The following CARD14 variants were observed in gnomAD, a reference collection of about 807,000 sequenced individuals.
The protein encoded by CARD14 is caspase recruitment domain family member 14.
A neutral mutation model predicts 111.5 loss-of-function variants in CARD14; 107 were observed. The observed-to-expected ratio is 0.96, with a 90% CI of 0.82 to 1.13. CARD14 has a LOEUF of 1.13. CARD14 is among the 50% of genes most tolerant of loss of function. The pLI is 0.00. For missense variants in CARD14, 1,322 were observed against 1,362.3 expected (o/e 0.97, Z 0.47); for synonymous variants, 617 against 579.6 (o/e 1.06, Z -0.93).
At position 80,173,009 on chromosome 17, in the gene CARD14, T is replaced by A. The variant is rs1322393198; in HGVS notation, c.-586T>A. The A allele has an allele frequency of 6.7e-6, 1 of 150,324 alleles. No homozygotes were observed. Among genetic ancestry groups the A allele is most frequent in the African/African-American group, 2.5e-5 (1 of 40,716 alleles). The allele number at this position is 150,324 out of a possible 1,614,324, so 9.3% of individuals were successfully genotyped here. On this transcript the variant is annotated 5_prime_UTR_variant, in exon 2 of 24. Transcript: ENST00000648509. ...GATTCTCCTGCCTCACCCTCCTGAG[T>A]AGCTGGGACTACAGGCGAGCACCAC...
In CARD14 at chr17:80,208,636, T is replaced by G; in HGVS notation, c.*291T>G. The G allele has an allele frequency of 3.0e-6, 1 of 336,632 alleles. No homozygotes were observed. Among genetic ancestry groups the G allele is most frequent in the Non-Finnish European group, 5.4e-6 (1 of 185,712 alleles). The allele number at this position is 336,632 out of a possible 1,614,324, so 20.9% of individuals were successfully genotyped here. On this transcript the variant is annotated 3_prime_UTR_variant, in exon 24 of 24. Transcript: ENST00000648509. The stretch of plus-strand genomic sequence containing the variant: ...TCTGCAGTGGGACAGGAGGGACGTC[T>G]TCCCATGCCTTCCCTAGAACCGGAG...
In CARD14 at chr17:80,198,030, CAGG is replaced by C. The variant is rs1228545580; in HGVS notation, c.1595-65_1595-63del. ...ATCTGTGAAGAAGGGGCTGAGGTTA[CAGG>C]AGGTTACAGGACGCCCCATCAGCAG... On this transcript the variant is annotated intron_variant, in intron 14 of 23. Transcript: ENST00000648509. This position sits in a 1 kb window ranked among gnomAD's most constrained non-coding sequence, Gnocchi z 7.5. 2.7e-6 allele frequency: 4 copies of C among 1,488,922 alleles called. No individual in the cohort carries two copies. In the African/African-American group the frequency reaches 5.5e-5, roughly 21 times the overall value. The allele number at this position is 1,488,922 out of a possible 1,614,324, so 92.2% of individuals were successfully genotyped here.
At position 80,189,768 on chromosome 17, in the gene CARD14, C is replaced by T; in HGVS notation, c.859C>T (p.Leu287=). 1 of 1,584,018 alleles carries T rather than the reference C, an allele frequency of 6.3e-7. No individual in the cohort carries two copies. Among genetic ancestry groups the T allele is most frequent in the East Asian group, 2.4e-5 (1 of 42,028 alleles). The change falls in exon 9 of 24, where the codon CTG becomes TTG. Residue 287 remains leucine (L), a synonymous_variant. Transcript: ENST00000648509. This position sits in a 1 kb window ranked among gnomAD's most constrained non-coding sequence, Gnocchi z 4.7. The part of the protein sequence containing the change: ...LTFSLAEKDI[L]EQSLDEARGS... ...TCTGCCCCAGGCGGAGAAGGACATT[C>T]TGGAGCAGAGCCTGGACGAGGCGCG...
chr17:80,180,481 T>C (rs535728111), intron 4 of CARD14, among the ~76,000 whole-genome samples: 1 of 152,318 alleles, frequency 6.6e-6, no homozygotes, highest in South Asian at 2.1e-4. Context: ...CCAGCACATT[T>C]CCCTCATGTG....
Position 80,195,915 on chromosome 17 carries a change from C to T in CARD14, c.1594+263C>T. ...AGAGCCAGGGGAGTTGTGTCTGATCCACGCCCTGCTCAGCACCCAGCCCCC... is the reference window on the plus strand; with the variant it reads ...AGAGCCAGGGGAGTTGTGTCTGATCTACGCCCTGCTCAGCACCCAGCCCCC... On this transcript the variant is annotated intron_variant, in intron 14 of 23. Coordinates refer to ENST00000648509, the MANE Select transcript of CARD14 (RefSeq NM_001366385.1). This position sits in a 1 kb window ranked among gnomAD's most constrained non-coding sequence, Gnocchi z 4.7. 2 of 477,238 alleles carry T rather than the reference C, an allele frequency of 4.2e-6. No individual in the cohort carries two copies. The highest frequency in any genetic ancestry group is 3.8e-6 in the Non-Finnish European group (1 of 264,898). The allele number at this position is 477,238 out of a possible 1,614,324, so 29.6% of individuals were successfully genotyped here. A position where few individuals can be genotyped will look rare whatever the true frequency, so the allele number is the denominator to read the frequency against.
chr17:80,188,734 G>A lies in CARD14; in HGVS notation c.843+190G>A, dbSNP rs958684954. The A allele has an allele frequency of 2.1e-6, 1 of 485,650 alleles. No individual in the cohort carries two copies. Among genetic ancestry groups the A allele is most frequent in the East Asian group, 3.7e-5 (1 of 26,714 alleles). The allele number at this position is 485,650 out of a possible 1,614,324, so 30.1% of individuals were successfully genotyped here. On this transcript the variant is annotated intron_variant, in intron 8 of 23. Coordinates refer to ENST00000648509, the MANE Select transcript of CARD14 (RefSeq NM_001366385.1). This position sits in a 1 kb window ranked among gnomAD's most constrained non-coding sequence, Gnocchi z 4.5. Reference sequence around the variant, plus strand: ...TGTTCCCCAGACCCCAAAATTGGCAGAATTAAAAGCTGCTGGAACAGAATT... The same window carrying A: ...TGTTCCCCAGACCCCAAAATTGGCAAAATTAAAAGCTGCTGGAACAGAATT...
At chr17:80,199,599 C>T (rs2040865134) in intron 16 of CARD14, among the ~76,000 whole-genome samples, 1 of 137,840 alleles carries the variant, frequency 7.3e-6, no homozygotes, top group South Asian at 2.3e-4. Flanking sequence ...AAAAAAAAGG[C>T]CAGGCACGGT....
At chr17:80,191,868 G>A (rs2040541823) in intron 11 of CARD14, among the ~76,000 whole-genome samples, 1 of 152,194 alleles carries the variant, frequency 6.6e-6, no homozygotes, top group Admixed American at 6.5e-5. Context: ...GTCCAAGAGT[G>A]GAAAGACAGA....
At position 80,189,071 on chromosome 17, in the gene CARD14, G is replaced by A. The variant is rs945177528; in HGVS notation, c.843+527G>A. Among the ~76,000 whole-genome samples the A allele has an allele frequency of 1.3e-5, 2 of 152,024 alleles. No individual in the cohort carries two copies. Among genetic ancestry groups the A allele is most frequent in the East Asian group, 1.9e-4 (1 of 5,186 alleles). ...TCTCAAACAAACAAAAATAAAAGCC[G>A]CTGGAGGTGCATCACAATGCCCGAC... On this transcript the variant is annotated intron_variant, in intron 8 of 23. Coordinates refer to ENST00000648509, the MANE Select transcript of CARD14 (RefSeq NM_001366385.1). The surrounding 1 kb of genome is among the most constrained non-coding windows in gnomAD (Gnocchi z 4.7).
Position 80,181,627 on chromosome 17 carries a change from C to T in CARD14, c.189C>T (p.Leu63=), listed in dbSNP as rs2040179303. The T allele has an allele frequency of 1.2e-5, 18 of 1,551,784 alleles. No homozygotes were observed. Among genetic ancestry groups the T allele is most frequent in the Non-Finnish European group, 1.6e-5 (18 of 1,148,110 alleles). ...DEEEVLHSPR[L]TNSAMRAGHL... is the part of the protein sequence containing the mutation. The stretch of plus-strand genomic sequence containing the variant: ...AGGAGGTGCTGCACAGCCCCCGGCT[C>T]ACCAACAGCGCCATGCGGGCCGGTG... The change falls in exon 5 of 24, where the codon CTC becomes CTT. Residue 63 remains leucine, a synonymous_variant. Coordinates refer to ENST00000648509, the MANE Select transcript of CARD14 (RefSeq NM_001366385.1).
In CARD14 at chr17:80,201,741, C is replaced by T. The variant is rs769576291; in HGVS notation, c.1852-3C>T. The T allele has an allele frequency of 1.9e-6, 3 of 1,614,016 alleles. No homozygotes were observed. The South Asian group carries it at 3.3e-5, about 18-fold the overall frequency. ...GAGACTGACCTTCTCGACTTGCCCT[C>T]AGGTTGATTACGAAGCCTCAGAGCC... is the stretch of plus-strand genomic sequence containing the variant. On this transcript the variant is annotated splice_polypyrimidine_tract_variant and splice_region_variant and intron_variant, in intron 16 of 23. Transcript: ENST00000648509. The surrounding 1 kb of genome is among the most constrained non-coding windows in gnomAD (Gnocchi z 5.0).
Position 80,188,649 on chromosome 17 carries a change from C to A in CARD14, c.843+105C>A. On this transcript the variant is annotated intron_variant, in intron 8 of 23. Coordinates refer to ENST00000648509, the MANE Select transcript of CARD14 (RefSeq NM_001366385.1). The surrounding 1 kb of genome is among the most constrained non-coding windows in gnomAD (Gnocchi z 4.5). ...GGTTTAGTTAAGGTGAGGCTAAGAA[C>A]AAGAGATGAAATTTAGTGACTCATC... 1 of 1,195,306 alleles carries A rather than the reference C, an allele frequency of 8.4e-7. No individual in the cohort carries two copies. Among genetic ancestry groups the A allele is most frequent in the Non-Finnish European group, 1.1e-6 (1 of 924,332 alleles). The allele number at this position is 1,195,306 out of a possible 1,614,324, so 74.0% of individuals were successfully genotyped here. A position where few individuals can be genotyped will look rare whatever the true frequency, so the allele number is the denominator to read the frequency against.
chr17:80,200,228 C>CCTT (rs1567894205), intron 16 of CARD14, among the ~76,000 whole-genome samples: 1 of 109,544 alleles, frequency 9.1e-6, no homozygotes, highest in African/African-American at 3.3e-5. Flanking sequence ...CTTTACATGT[C>CCTT]ATTTTTTTTT....
chr17:80,194,679 A>G (rs1332597907), intron 12 of CARD14, among the ~76,000 whole-genome samples: 1 of 152,216 alleles, frequency 6.6e-6, no homozygotes, highest in East Asian at 1.9e-4. Context: ...CTCTTCGCAG[A>G]GCGGCAGGAG....
Position 80,205,256 on chromosome 17 carries a change from C to CTCCTCCCTCCT in CARD14, c.2569+58_2569+59insTCCTTCCTCCC, listed in dbSNP as rs1466157421. ...TACCCCTTCCACCTTCCCTCCCTCCCTCCTCCCCTTCCTCCCTCCTTCCTC... is the reference window on the plus strand; with the variant it reads ...TACCCCTTCCACCTTCCCTCCCTCCCTCCTCCCTCCTTCCTCCCCTTCCTCCCTCCTTCCTC... On this transcript the variant is annotated intron_variant, in intron 21 of 23. Coordinates refer to ENST00000648509, the MANE Select transcript of CARD14 (RefSeq NM_001366385.1). The CTCCTCCCTCCT allele has an allele frequency of 4.7e-6, 7 of 1,488,878 alleles. No individual in the cohort carries two copies. The African/African-American group carries it at 9.6e-5, about 21-fold the overall frequency. The allele number at this position is 1,488,878 out of a possible 1,614,324, so 92.2% of individuals were successfully genotyped here. A position where few individuals can be genotyped will look rare whatever the true frequency, so the allele number is the denominator to read the frequency against.
chr17:80,179,609 G>A (rs1387023725), intron 4 of CARD14, among the ~76,000 whole-genome samples: 2 of 152,230 alleles, frequency 1.3e-5, no homozygotes, highest in Non-Finnish European at 1.5e-5. Context: ...GAGGTAGACA[G>A]ATCACCTGAG....
chr17:80,198,545 C>T lies in CARD14; in HGVS notation c.1805C>T (p.Ser602Leu), dbSNP rs201285077. Reference protein sequence around the residue: ...GIFIHRVTPGSAADQMALRPG... With the variant: ...GIFIHRVTPGLAADQMALRPG... ...TTCATCCACCGGGTCACCCCGGGCT[C>T]GGCGGCGGACCAGATGGCCTTGCGC... The change falls in exon 16 of 24, where the codon TCG becomes TTG. Residue 602 changes from serine to leucine, a missense_variant. Ser to Leu is a moderately radical substitution (Grantham distance 145). Transcript: ENST00000648509. The surrounding 1 kb of genome is among the most constrained non-coding windows in gnomAD (Gnocchi z 7.5). 631 of 1,613,186 alleles carry T rather than the reference C, an allele frequency of 3.9e-4. No individual in the cohort carries two copies. Among genetic ancestry groups the T allele is most frequent in the Non-Finnish European group, 5.0e-4 (593 of 1,179,882 alleles).
rs950588733 is a variant in CARD14, at chr17:80,182,107, G to A, written c.211+458G>A. On this transcript the variant is annotated intron_variant, in intron 5 of 23. Coordinates refer to ENST00000648509, the MANE Select transcript of CARD14 (RefSeq NM_001366385.1). The surrounding 1 kb of genome is among the most constrained non-coding windows in gnomAD (Gnocchi z 4.7). ...TAGCTGTCAACATGATAATGTTCAT[G>A]CATGTTGGCGTACGAACCCCAAACA... Among the ~76,000 whole-genome samples the A allele has an allele frequency of 9.2e-5, 14 of 152,258 alleles. No homozygotes were observed. The highest frequency in any genetic ancestry group is 3.4e-4 in the African/African-American group (14 of 41,462).
intron 4 of CARD14, among the ~76,000 whole-genome samples, chr17:80,180,816 G>A (rs1295193900): frequency 6.6e-6 from 1 of 152,212 alleles, no homozygotes; most frequent in Non-Finnish European, 1.5e-5. Flanking sequence ...AGGCTGGAGT[G>A]CAGTGGCACA....
Sources: allele counts gnomAD v4.1 joint callset (sites outside exome capture counted in the v4.1 genomes callset), GRCh38; gene constraint gnomAD v4.1.1; non-coding constraint Gnocchi (gnomAD v3.1); transcripts MANE v1.5; gene names NCBI Gene and HGNC (gene_info 2026-07-23, HGNC 2026-07-21).